The following MCHR2 variants were observed in gnomAD, a reference collection of about 807,000 sequenced individuals.
The protein encoded by MCHR2 is melanin concentrating hormone receptor 2, also known as melanin-concentrating hormone receptor 2.
In MCHR2, 15 loss-of-function variants were observed where a neutral mutation model predicts 24.8. The ratio of observed to expected loss-of-function variants is 0.60; its 90% CI spans 0.40 to 0.93. The LOEUF is 0.93. Ranked by LOEUF, MCHR2 falls within the 40% of genes least tolerant of loss-of-function variation. The probability of loss-of-function intolerance (pLI) is 0.00; values close to 1 mark genes in which losing one functional copy is unlikely to be tolerated. For synonymous variants in MCHR2, 151 were observed against 147.6 expected (o/e 1.02, Z -0.17); for missense variants, 386 against 408.7 (o/e 0.94, Z 0.48).
chr6:99,967,419 A>G (rs189481291), intron 1 of MCHR2, among the ~76,000 whole-genome samples: 1 of 152,328 alleles, frequency 6.6e-6, no homozygotes, highest in Admixed American at 6.5e-5. Context: ...CATGATGCAG[A>G]GATTAAATCA....
At chr6:99,966,065 C>T (rs1775291510) in intron 1 of MCHR2, among the ~76,000 whole-genome samples, 1 of 152,120 alleles carries the variant, frequency 6.6e-6, no homozygotes, top group African/African-American at 2.4e-5. Context: ...CTTTGTAGCC[C>T]CACTCTTCCA....
At chr6:99,936,030 T>C (rs574850878) in intron 4 of MCHR2, among the ~76,000 whole-genome samples, 66 of 152,164 alleles carry the variant, frequency 4.3e-4, no homozygotes, top group Non-Finnish European at 7.5e-4. Flanking sequence ...TTTGCCCATT[T>C]TTTACATTGG....
chr6:99,993,458 T>C (rs986957707), intron 1 of MCHR2, among the ~76,000 whole-genome samples: 3 of 152,146 alleles, frequency 2.0e-5, no homozygotes, highest in Non-Finnish European at 4.4e-5. Context: ...GGGATCTACC[T>C]GGAGGAAGAA....
chr6:99,965,677 T>C (rs574971461), intron 1 of MCHR2, among the ~76,000 whole-genome samples: 2 of 152,270 alleles, frequency 1.3e-5, no homozygotes, highest in South Asian at 4.1e-4. Context: ...ACACTTGTTT[T>C]TTAAGCACTT....
rs138417422 is a variant in MCHR2 at position 99,936,419 on chromosome 6, GT to G, written c.588-1903del. 5.6e-3 allele frequency among the ~76,000 whole-genome samples: 854 copies of G among 152,004 alleles called. 7 individuals are homozygous for G. The highest frequency in any genetic ancestry group is 0.02 in the African/African-American group (825 of 41,492). ...GTCTAGTTTCATTCTTCTGCATGTA[GT>G]TTTCCAGTTTTCCCAGGACAATTTA... is the stretch of plus-strand genomic sequence containing the variant. On this transcript the variant is annotated intron_variant, in intron 4 of 5. Transcript: ENST00000281806.
At chr6:99,991,167 G>A (rs1775866675) in intron 1 of MCHR2, among the ~76,000 whole-genome samples, 1 of 151,914 alleles carries the variant, frequency 6.6e-6, no homozygotes, top group Non-Finnish European at 1.5e-5. Flanking sequence ...AAAGAGGGGA[G>A]CAGAGCCGCC....
intron 1 of MCHR2, among the ~76,000 whole-genome samples, chr6:99,983,298 G>A (rs1342021756): frequency 1.3e-5 from 2 of 152,110 alleles, no homozygotes; most frequent in Non-Finnish European, 2.9e-5. Context: ...AACAACTCAT[G>A]GAAAAGAATT....
intron 3 of MCHR2, among the ~76,000 whole-genome samples, chr6:99,944,879 G>T (rs1774846158): frequency 6.6e-6 from 1 of 152,100 alleles, no homozygotes; most frequent in Non-Finnish European, 1.5e-5. Context: ...GCTGGAGCCT[G>T]TGCCAGTCTC....
At position 99,920,852 on chromosome 6, in the gene MCHR2, G is replaced by A; in HGVS notation, c.*88C>T. On this transcript the variant is annotated 3_prime_UTR_variant, in exon 6 of 6. Transcript: ENST00000281806. ...AGTCACAAGTACACAAGAAGAATGG[G>A]CATAAACATATCGGTACACCTGCCC... 7.8e-7 allele frequency: 1 copy of A among 1,282,486 alleles called. No homozygotes were observed. The highest frequency in any genetic ancestry group is 1.9e-5 in the Admixed American group (1 of 52,624). The allele number at this position is 1,282,486 out of a possible 1,614,324, so 79.4% of individuals were successfully genotyped here.
intron 1 of MCHR2, among the ~76,000 whole-genome samples, chr6:99,964,232 T>C (rs904725746): frequency 1.3e-5 from 2 of 152,122 alleles, no homozygotes; most frequent in Non-Finnish European, 2.9e-5. Context: ...AGATACATAT[T>C]GCTGTATGAC....
intron 5 of MCHR2, among the ~76,000 whole-genome samples, chr6:99,933,996 AC>A (rs1202984755): frequency 6.6e-6 from 1 of 152,078 alleles, no homozygotes. Flanking sequence ...TATTAATGAG[AC>A]TTTTCTCCTT....
chr6:99,956,248 T>C (rs150731995), intron 1 of MCHR2, 74 bp from the exon 2 acceptor site: 12,517 of 1,087,180 alleles, frequency 0.012, 118 homozygotes, highest in Middle Eastern at 0.028. Context: ...ATTCAAATAA[T>C]ATTTTTTGGA....
At chr6:99,927,848 C>T (rs1338717146) in intron 5 of MCHR2, among the ~76,000 whole-genome samples, 1 of 152,142 alleles carries the variant, frequency 6.6e-6, no homozygotes, top group Non-Finnish European at 1.5e-5. Context: ...TGCATAATTG[C>T]CCTGGCCAGA....
chr6:99,926,885 G>T (rs1037562969), intron 5 of MCHR2, among the ~76,000 whole-genome samples: 13 of 152,070 alleles, frequency 8.5e-5, no homozygotes, highest in Non-Finnish European at 1.3e-4. Flanking sequence ...CATTGCTTTT[G>T]GTGTTTTAGA....
At chr6:99,971,872 T>TGC in intron 1 of MCHR2, among the ~76,000 whole-genome samples, 1 of 152,358 alleles carries the variant, frequency 6.6e-6, no homozygotes, top group East Asian at 1.9e-4. Context: ...TTTATTGATT[T>TGC]ATGTATGTTG....
rs144999873 is a variant in MCHR2 at position 99,935,664 on chromosome 6, A to C, written c.588-1147T>G. ...TGGTTATTGTGAACAGTACAGCAAT[A>C]AACATGGTAGTACAGATATCTCTTT... is the stretch of plus-strand genomic sequence containing the variant. On this transcript the variant is annotated intron_variant, in intron 4 of 5. Coordinates refer to ENST00000281806, the MANE Select transcript of MCHR2 (RefSeq NM_001040179.2). Among the ~76,000 whole-genome samples the C allele has an allele frequency of 2.0e-5, 3 of 152,198 alleles. No homozygotes were observed. In the East Asian group the frequency reaches 5.8e-4, roughly 29 times the overall value.
At chr6:99,993,538 T>A (rs1775926241) in intron 1 of MCHR2, among the ~76,000 whole-genome samples, 1 of 152,056 alleles carries the variant, frequency 6.6e-6, no homozygotes, top group African/African-American at 2.4e-5. Context: ...GATCGCCTCC[T>A]CGCCTTCGCC....
chr6:99,957,995 G>A (rs1472693613), intron 1 of MCHR2, among the ~76,000 whole-genome samples: 1 of 151,824 alleles, frequency 6.6e-6, no homozygotes, highest in African/African-American at 2.4e-5. Context: ...TACTACTTCT[G>A]AAATTTAAAC....
In MCHR2 at chr6:99,945,049, G is replaced by A. The variant is rs145052118; in HGVS notation, c.393-1906C>T. Among the ~76,000 whole-genome samples the A allele has an allele frequency of 2.0e-3, 309 of 152,244 alleles. 2 individuals carry two copies. Among genetic ancestry groups the A allele is most frequent in the African/African-American group, 7.1e-3 (297 of 41,548 alleles). On this transcript the variant is annotated intron_variant, in intron 3 of 5. Coordinates refer to ENST00000281806, the MANE Select transcript of MCHR2 (RefSeq NM_001040179.2). ...TTCTCTGACCACCCATTCTATAGGAGGGACCATGACTATAAAAGAAGATTA... is the reference window on the plus strand; with the variant it reads ...TTCTCTGACCACCCATTCTATAGGAAGGACCATGACTATAAAAGAAGATTA...
Sources: gnomAD v4.1 joint callset for allele counts (sites outside exome capture counted in the v4.1 genomes callset) on GRCh38, gnomAD v4.1.1 for gene constraint, MANE v1.5 for transcripts, NCBI Gene and HGNC (gene_info 2026-07-23, HGNC 2026-07-21) for gene names.